Variants in PYGL observed in about 807,000 individuals in gnomAD.
PYGL encodes glycogen phosphorylase, liver form.
PYGL carries 90 observed loss-of-function variants against 100.1 expected under a neutral mutation model. The ratio of observed to expected loss-of-function variants is 0.90; its 90% CI spans 0.76 to 1.07. The LOEUF is 1.07. Ranked by LOEUF, PYGL falls within the 50% of genes least tolerant of loss-of-function variation. The pLI, the probability that PYGL is intolerant of heterozygous loss-of-function variation, is 0.00. For synonymous variants in PYGL, 373 were observed against 393.0 expected, an observed-to-expected ratio of 0.95 and a Z score of 0.60; for missense variants, 1,016 against 1,057.6, an observed-to-expected ratio of 0.96 and a Z score of 0.55.
chr14:50,917,177 G>T, intron 7 of PYGL, 72 bp from the exon 8 acceptor site: 2 of 1,513,562 alleles, frequency 1.3e-6, no homozygotes, highest in Non-Finnish European at 1.8e-6. Context: ...GGTGTCTCCT[G>T]CACTAGGAAC....
chr14:50,915,048 C>T (rs1415576436), intron 11 of PYGL: 4 of 621,140 alleles, frequency 6.4e-6, no homozygotes, highest in African/African-American at 5.5e-5. Context: ...CTGACTTCTT[C>T]ACACTGACAT....
chr14:50,924,550 A>C (rs1395119267), intron 4 of PYGL, among the ~76,000 whole-genome samples: 6 of 152,220 alleles, frequency 3.9e-5, no homozygotes, highest in Non-Finnish European at 7.3e-5. Flanking sequence ...GGTTCAGTCA[A>C]GATTCTTGTG....
At chr14:50,940,160 G>A (rs575077348) in intron 1 of PYGL, among the ~76,000 whole-genome samples, 4 of 152,286 alleles carry the variant, frequency 2.6e-5, no homozygotes, top group African/African-American at 9.6e-5. Context: ...CGTGATGACC[G>A]CTGTCACAGG....
At chr14:50,915,656 C>T (rs2050440160) in intron 10 of PYGL, among the ~76,000 whole-genome samples, 157 bp from the exon 11 acceptor site, 1 of 152,192 alleles carries the variant, frequency 6.6e-6, no homozygotes, top group Admixed American at 6.5e-5. Context: ...TGCCATCCCT[C>T]CATTTCAGCA....
intron 1 of PYGL, 145 bp from the exon 2 acceptor site, chr14:50,937,982 A>C: frequency 1.3e-6 from 1 of 761,780 alleles, no homozygotes; most frequent in South Asian, 1.5e-5. Context: ...CTCCCGTCAG[A>C]GGTGTTTGAA....
intron 1 of PYGL, among the ~76,000 whole-genome samples, chr14:50,942,812 G>C (rs1362760626): frequency 1.1e-5 from 1 of 94,826 alleles, no homozygotes; most frequent in Non-Finnish European, 2.5e-5. Flanking sequence ...GCGAGAGTGA[G>C]ACTCTGTCTC....
chr14:50,921,203 A>T, intron 5 of PYGL, 136 bp from the exon 6 acceptor site: 1 of 697,132 alleles, frequency 1.4e-6, no homozygotes, highest in South Asian at 1.7e-5. Context: ...GCCTAAATGG[A>T]GAAGAGGGTC....
At chr14:50,941,406 C>A (rs1050309061) in intron 1 of PYGL, among the ~76,000 whole-genome samples, 1 of 152,178 alleles carries the variant, frequency 6.6e-6, no homozygotes, top group Non-Finnish European at 1.5e-5. Flanking sequence ...AAAATAACCA[C>A]GTGAAGTCAG....
chr14:50,921,880 C>T (rs2050506186), intron 5 of PYGL, among the ~76,000 whole-genome samples: 1 of 152,138 alleles, frequency 6.6e-6, no homozygotes, highest in African/African-American at 2.4e-5. Context: ...TATAACATCT[C>T]ATATAATATT....
At position 50,916,630 on chromosome 14, in the gene PYGL, A is replaced by C. The variant is rs1433967446; in HGVS notation, c.1092+12T>G. ...GGTTAATTAAAGGAAAAAGAAGCCA[A>C]ACTATCCAGACCTTGGACCAGGGCA... On this transcript the variant is annotated intron_variant, in intron 9 of 19. Coordinates refer to ENST00000216392, the MANE Select transcript of PYGL (RefSeq NM_002863.5). 5.6e-6 allele frequency: 9 copies of C among 1,603,704 alleles called. No homozygotes were observed. The highest frequency in any genetic ancestry group is 6.8e-6 in the Non-Finnish European group (8 of 1,170,676).
chr14:50,908,282 G>A lies in PYGL; in HGVS notation c.2368C>T (p.Gln790Ter), dbSNP rs761029493. 1 of 1,593,592 alleles carries A rather than the reference G, an allele frequency of 6.3e-7. No homozygotes were observed. The highest frequency in any genetic ancestry group is 1.3e-5 in the African/African-American group (1 of 74,390). ...AYVKCQDKVS[Q>*]LYMNPKAWNT... ...GGCAATTTACTCACCATGTACAGCTGACTCACTTTATCTTGACACTTGACA... is the reference window on the plus strand; with the variant it reads ...GGCAATTTACTCACCATGTACAGCTAACTCACTTTATCTTGACACTTGACA... Residue 790 changes from glutamine (Q) to a stop codon, truncating the protein, a stop_gained, in exon 19 of 20, where the codon CAG becomes TAG. Transcript: ENST00000216392. LOFTEE classifies it high-confidence loss of function.
intron 5 of PYGL, among the ~76,000 whole-genome samples, chr14:50,922,021 C>CT (rs1195903938): frequency 1.3e-5 from 2 of 152,200 alleles, no homozygotes; most frequent in Non-Finnish European, 2.9e-5. Context: ...CTAGCTTGAT[C>CT]TTTGTGACAG....
rs571435308 is a variant in PYGL, at chr14:50,938,551, T to C, written c.244-714A>G. Among the ~76,000 whole-genome samples the C allele has an allele frequency of 3.3e-5, 5 of 152,362 alleles. 1 individual carries two copies. Among genetic ancestry groups the C allele is most frequent in the African/African-American group, 9.6e-5 (4 of 41,588 alleles). On this transcript the variant is annotated intron_variant, in intron 1 of 19. Transcript: ENST00000216392. ...ATAAACTTGCTTTCACTTTACTCTA[T>C]GAATTTGCCTCAAATTCTTGTGCGA...
intron 15 of PYGL, 42 bp from the exon 16 acceptor site, chr14:50,911,913 T>C: frequency 6.2e-7 from 1 of 1,614,044 alleles, no homozygotes; most frequent in African/African-American, 1.3e-5. Flanking sequence ...AAGGCAGCCA[T>C]GATGAAGTAG....
At chr14:50,936,746 G>A (rs532711799) in intron 2 of PYGL, among the ~76,000 whole-genome samples, 223 of 151,870 alleles carry the variant, frequency 1.5e-3, no homozygotes, top group African/African-American at 5.1e-3. Context: ...AGCTGAGATC[G>A]TGCCACTGCA....
chr14:50,917,816 G>A (rs770467614), intron 7 of PYGL, among the ~76,000 whole-genome samples: 5 of 152,222 alleles, frequency 3.3e-5, no homozygotes, highest in African/African-American at 7.2e-5. Context: ...CACCTCAACC[G>A]TGTAAATGTC....
At position 50,912,970 on chromosome 14, in the gene PYGL, C is replaced by T. The variant is rs142380001; in HGVS notation, c.1620+59G>A. 46 of 1,513,182 alleles carry T rather than the reference C, an allele frequency of 3.0e-5. 1 individual carries two copies. In the African/African-American group the frequency reaches 4.8e-4, roughly 16 times the overall value. 93.7% of individuals were successfully genotyped at this position (1,513,182 alleles called of 1,614,324 possible). A position where few individuals can be genotyped will look rare whatever the true frequency, so the allele number is the denominator to read the frequency against. Reference sequence around the variant, plus strand: ...CTCTGTCTCAAAAAATAAACAAAAACTACAGGATAAACTCTCACAGTGAGT... The same window carrying T: ...CTCTGTCTCAAAAAATAAACAAAAATTACAGGATAAACTCTCACAGTGAGT... On this transcript the variant is annotated intron_variant, in intron 13 of 19. Transcript: ENST00000216392.
chr14:50,907,753 A>T (rs2050348234), intron 19 of PYGL, among the ~76,000 whole-genome samples: 1 of 151,794 alleles, frequency 6.6e-6, no homozygotes, highest in South Asian at 2.1e-4. Context: ...GATATTAAAA[A>T]ATTTACAACT....
chr14:50,941,668 C>G (rs147987506), intron 1 of PYGL, among the ~76,000 whole-genome samples: 37 of 152,174 alleles, frequency 2.4e-4, no homozygotes, highest in Non-Finnish European at 1.9e-4. Flanking sequence ...ATCACCAGGT[C>G]AGGAGTTCGA....
Sources: gnomAD v4.1 joint callset for allele counts (sites outside exome capture counted in the v4.1 genomes callset) on GRCh38, gnomAD v4.1.1 for gene constraint, MANE v1.5 for transcripts, NCBI Gene and HGNC (gene_info 2026-07-23, HGNC 2026-07-21) for gene names.